GALNT13: variants seen among roughly 807,000 people sequenced by gnomAD.
The protein encoded by GALNT13 is UDP-GalNAc:polypeptide N-acetylgalactosaminyltransferase 13.
A neutral mutation model predicts 64.2 loss-of-function variants in GALNT13; 28 were observed. The observed-to-expected ratio is 0.44, with a 90% CI of 0.32 to 0.60. The LOEUF is 0.60. Ranked by LOEUF, GALNT13 falls within the 20% of genes least tolerant of loss-of-function variation. GALNT13 has a pLI of 0.05. For missense variants in GALNT13, 577 were observed against 669.8 expected (o/e 0.86, Z 1.53); for synonymous variants, 214 against 224.6 (o/e 0.95, Z 0.42).
At chr2:153,513,544 G>C in the GALNT13 span, among the ~76,000 whole-genome samples, 2 of 152,162 alleles carry the variant, frequency 1.3e-5, no homozygotes, top group African/African-American at 2.4e-5. Flanking sequence ...TCCTCAGTTA[G>C]TTTGGTGCCT....
the GALNT13 span, among the ~76,000 whole-genome samples, chr2:153,305,916 A>T: frequency 6.6e-6 from 1 of 152,188 alleles, no homozygotes. Flanking sequence ...TCTTCACTGG[A>T]CTTTTGATAC....
the GALNT13 span, among the ~76,000 whole-genome samples, chr2:153,825,704 G>A: frequency 1.1e-4 from 17 of 150,028 alleles, no homozygotes; most frequent in Non-Finnish European, 2.2e-4. Context: ...GAAATGCCAG[G>A]CAATTAATCC....
intron 8 of GALNT13, among the ~76,000 whole-genome samples, chr2:154,296,867 T>C (rs758751518): frequency 2.0e-5 from 3 of 152,184 alleles, no homozygotes; most frequent in Non-Finnish European, 4.4e-5. Context: ...GTTTGCTGCA[T>C]CCATCAACCC....
At chr2:153,719,313 T>TA in the GALNT13 span, among the ~76,000 whole-genome samples, 1 of 152,210 alleles carries the variant, frequency 6.6e-6, no homozygotes. Flanking sequence ...CACTAAATTG[T>TA]ATGTTCAACT....
chr2:154,200,785 A>C lies in GALNT13; in HGVS notation c.312-41245A>C, dbSNP rs115058459. Among the ~76,000 whole-genome samples, 937 of 152,236 alleles carry C rather than the reference A, an allele frequency of 6.2e-3. 10 individuals are homozygous for C. Among genetic ancestry groups the C allele is most frequent in the African/African-American group, 0.022 (896 of 41,568 alleles). ...ACTATCACATTGGCCATTAAATTTTAACACCTGAATTTTGGAGAGGACACA... is the reference window on the plus strand; with the variant it reads ...ACTATCACATTGGCCATTAAATTTTCACACCTGAATTTTGGAGAGGACACA... On this transcript the variant is annotated intron_variant, in intron 4 of 12. Transcript: ENST00000392825.
chr2:153,678,430 G>A, the GALNT13 span, among the ~76,000 whole-genome samples: 1 of 152,024 alleles, frequency 6.6e-6, no homozygotes, highest in African/African-American at 2.4e-5. Flanking sequence ...TGTAATAACA[G>A]AAAACCAAAT....
intron 12 of GALNT13, among the ~76,000 whole-genome samples, chr2:154,448,917 T>A (rs954265687): frequency 6.6e-6 from 1 of 152,024 alleles, no homozygotes; most frequent in African/African-American, 2.4e-5. Flanking sequence ...AAGTGATATT[T>A]TTGAAAGAGA....
intron 3 of GALNT13, among the ~76,000 whole-genome samples, chr2:153,989,973 G>A (rs531481727): frequency 2.0e-5 from 3 of 152,148 alleles, no homozygotes; most frequent in Non-Finnish European, 4.4e-5. Flanking sequence ...AACAACATAT[G>A]ACAATATGTT....
chr2:153,483,010 A>G, the GALNT13 span, among the ~76,000 whole-genome samples: 1 of 152,202 alleles, frequency 6.6e-6, no homozygotes, highest in African/African-American at 2.4e-5. Context: ...TTCTTCTAAG[A>G]AGTCTGGAAA....
At chr2:154,027,874 A>G (rs1698079432) in intron 3 of GALNT13, among the ~76,000 whole-genome samples, 1 of 152,166 alleles carries the variant, frequency 6.6e-6, no homozygotes, top group African/African-American at 2.4e-5. Flanking sequence ...CAAATTAAAC[A>G]GTATTTGTTG....
chr2:153,320,491 T>C, the GALNT13 span, among the ~76,000 whole-genome samples: 5 of 152,186 alleles, frequency 3.3e-5, no homozygotes, highest in African/African-American at 4.8e-5. Flanking sequence ...TACCAGTTGG[T>C]TATGGCAGTG....
chr2:153,936,643 A>G (rs1247490359), intron 2 of GALNT13, among the ~76,000 whole-genome samples: 1 of 152,164 alleles, frequency 6.6e-6, no homozygotes, highest in African/African-American at 2.4e-5. Flanking sequence ...CAGGCCAAGG[A>G]TAGGATTTAC....
chr2:153,401,837 G>T, the GALNT13 span, among the ~76,000 whole-genome samples: 2 of 151,934 alleles, frequency 1.3e-5, no homozygotes, highest in African/African-American at 2.4e-5. Flanking sequence ...CGTGAGATGG[G>T]TTTCCTGAAT....
the GALNT13 span, among the ~76,000 whole-genome samples, chr2:153,818,135 G>A: frequency 1.8e-4 from 27 of 152,136 alleles, no homozygotes; most frequent in South Asian, 5.2e-3. Flanking sequence ...AAAAGATTAG[G>A]TGAGTGAGAG....
intron 9 of GALNT13, among the ~76,000 whole-genome samples, chr2:154,311,914 G>A (rs1417909697): frequency 1.3e-5 from 2 of 152,204 alleles, no homozygotes; most frequent in African/African-American, 4.8e-5. Flanking sequence ...GGCGGTCAGA[G>A]TTTAAGGTTA....
chr2:154,094,854 A>T (rs921393395), intron 3 of GALNT13, among the ~76,000 whole-genome samples: 1 of 151,882 alleles, frequency 6.6e-6, no homozygotes, highest in African/African-American at 2.4e-5. Flanking sequence ...TAAAGTCCTA[A>T]TTCATGTGTT....
At chr2:154,063,642 C>G (rs1392976799) in intron 3 of GALNT13, among the ~76,000 whole-genome samples, 1 of 152,068 alleles carries the variant, frequency 6.6e-6, no homozygotes, top group Non-Finnish European at 1.5e-5. Flanking sequence ...CCAGAGGTTG[C>G]CACTTATCTG....
intron 3 of GALNT13, among the ~76,000 whole-genome samples, chr2:154,098,242 T>C (rs1197145969): frequency 6.6e-6 from 1 of 152,024 alleles, no homozygotes; most frequent in African/African-American, 2.4e-5. Flanking sequence ...TGGCACATGG[T>C]TATGAGGTTA....
At position 154,190,572 on chromosome 2, in the gene GALNT13, G is replaced by A. The variant is rs186517646; in HGVS notation, c.311+50067G>A. ...TACCAGGTTTAAGAATTACAGAGGA[G>A]GCAAAGTCCAACTCAGCTTTGTCTG... On this transcript the variant is annotated intron_variant, in intron 4 of 12. Transcript: ENST00000392825. 8.3e-4 allele frequency among the ~76,000 whole-genome samples: 126 copies of A among 152,270 alleles called. 3 individuals carry two copies. The East Asian group carries it at 0.023, about 27-fold the overall frequency.
Sources: gnomAD v4.1 joint callset for allele counts (sites outside exome capture counted in the v4.1 genomes callset) on GRCh38, gnomAD v4.1.1 for gene constraint, MANE v1.5 for transcripts, NCBI Gene and HGNC (gene_info 2026-07-23, HGNC 2026-07-21) for gene names.